The following EPHA6 variants were observed in gnomAD, a reference collection of about 807,000 sequenced individuals.
EPHA6 encodes the protein EPH receptor A6.
Under a neutral mutation model 112.0 loss-of-function variants are expected in EPHA6, and 50 were observed. The observed-to-expected ratio is 0.45, with a 90% CI of 0.36 to 0.56. The LOEUF is 0.56. EPHA6 is among the 20% of genes least tolerant of loss of function. The probability of loss-of-function intolerance (pLI) is 0.00; values close to 1 mark genes in which losing one functional copy is unlikely to be tolerated. For missense variants in EPHA6, 1,280 were observed against 1,417.4 expected (o/e 0.90, Z 1.56); for synonymous variants, 529 against 490.7 (o/e 1.08, Z -1.03).
intron 3 of EPHA6, among the ~76,000 whole-genome samples, chr3:97,120,357 G>C (rs2048007982): frequency 6.6e-6 from 1 of 151,616 alleles, no homozygotes; most frequent in Non-Finnish European, 1.5e-5. Context: ...TATAAAACTT[G>C]ATGTGCAGTT....
intron 5 of EPHA6, among the ~76,000 whole-genome samples, chr3:97,379,751 C>CAAAAA (rs71623570): frequency 3.3e-5 from 1 of 30,538 alleles, no homozygotes; most frequent in African/African-American, 5.8e-5. Flanking sequence ...TCTGTCTCCC[C>CAAAAA]AAAAAAAAAA....
intron 14 of EPHA6, among the ~76,000 whole-genome samples, chr3:97,698,411 T>TG (rs898409625): frequency 4.3e-4 from 59 of 138,800 alleles, no homozygotes; most frequent in African/African-American, 1.4e-3. Flanking sequence ...GAATTAAAGG[T>TG]TTTTTTTTTT....
At chr3:97,174,450 T>C (rs2076780554) in intron 3 of EPHA6, among the ~76,000 whole-genome samples, 1 of 151,888 alleles carries the variant, frequency 6.6e-6, no homozygotes, top group Non-Finnish European at 1.5e-5. Context: ...GTAGCTCAAT[T>C]TTTAGATTTT....
intron 10 of EPHA6, among the ~76,000 whole-genome samples, chr3:97,511,597 G>A (rs2092365880): frequency 6.6e-6 from 1 of 152,090 alleles, no homozygotes; most frequent in East Asian, 1.9e-4. Flanking sequence ...GATCTCGCTG[G>A]GAGCTGCAGA....
chr3:97,722,749 G>A (rs1042458890), intron 15 of EPHA6, among the ~76,000 whole-genome samples: 2 of 151,914 alleles, frequency 1.3e-5, no homozygotes, highest in South Asian at 4.2e-4. Flanking sequence ...TATATATATT[G>A]CAAAATATAT....
chr3:97,236,490 C>T (rs908236379), intron 4 of EPHA6, among the ~76,000 whole-genome samples: 1 of 152,058 alleles, frequency 6.6e-6, no homozygotes, highest in Non-Finnish European at 1.5e-5. Flanking sequence ...ATTTAACAAA[C>T]ATTTACGTTG....
chr3:96,883,354 T>G (rs1282200563), intron 2 of EPHA6, among the ~76,000 whole-genome samples: 1 of 152,186 alleles, frequency 6.6e-6, no homozygotes, highest in Non-Finnish European at 1.5e-5. Context: ...AAGATTTTCT[T>G]CCAGTCTGTA....
intron 12 of EPHA6, among the ~76,000 whole-genome samples, chr3:97,601,766 A>G (rs933243769): frequency 1.6e-4 from 24 of 152,126 alleles, no homozygotes; most frequent in African/African-American, 4.3e-4. Flanking sequence ...TGACTATTTA[A>G]CAAATATTTT....
chr3:97,552,083 C>A (rs1261883467), intron 11 of EPHA6, among the ~76,000 whole-genome samples: 1 of 152,106 alleles, frequency 6.6e-6, no homozygotes, highest in Non-Finnish European at 1.5e-5. Flanking sequence ...TCAAATTATT[C>A]TTCTTAAATG....
At chr3:97,509,773 A>G (rs753468050) in intron 10 of EPHA6, among the ~76,000 whole-genome samples, 9 of 152,120 alleles carry the variant, frequency 5.9e-5, no homozygotes, top group Non-Finnish European at 1.0e-4. Flanking sequence ...TAATATCCTG[A>G]AGAGTGTTTT....
At chr3:97,013,915 T>C (rs1349246713) in intron 3 of EPHA6, among the ~76,000 whole-genome samples, 1 of 152,156 alleles carries the variant, frequency 6.6e-6, no homozygotes, top group African/African-American at 2.4e-5. Flanking sequence ...TGCAAACTTA[T>C]CATTATTGTA....
intron 1 of EPHA6, among the ~76,000 whole-genome samples, chr3:96,825,111 G>T (rs770542333): frequency 5.9e-5 from 9 of 151,944 alleles, no homozygotes; most frequent in Non-Finnish European, 1.2e-4. Flanking sequence ...GAATTAAGAT[G>T]AATGACTACT....
At chr3:97,243,913 C>T (rs2078917217) in intron 4 of EPHA6, 39 bp from the exon 5 acceptor site, 1 of 1,439,014 alleles carries the variant, frequency 6.9e-7, no homozygotes, top group African/African-American at 1.4e-5. Flanking sequence ...ATTCATTGTC[C>T]TATATATGTA....
intron 1 of EPHA6, among the ~76,000 whole-genome samples, chr3:96,822,670 G>A (rs899477362): frequency 5.3e-5 from 8 of 150,730 alleles, no homozygotes; most frequent in African/African-American, 1.9e-4. Flanking sequence ...TGGATAAAAA[G>A]TAAGATACTT....
chr3:97,234,608 T>A (rs2078627987), intron 4 of EPHA6, among the ~76,000 whole-genome samples: 1 of 152,116 alleles, frequency 6.6e-6, no homozygotes, highest in East Asian at 1.9e-4. Flanking sequence ...AACTTCCTGT[T>A]CCCTTTTAAT....
intron 5 of EPHA6, among the ~76,000 whole-genome samples, chr3:97,250,065 G>A (rs539338009): frequency 2.4e-4 from 36 of 152,238 alleles, no homozygotes; most frequent in African/African-American, 7.2e-4. Context: ...AGCAGATCAC[G>A]AATTGAAGAG....
chr3:97,479,945 C>T (rs2091481594), intron 9 of EPHA6, among the ~76,000 whole-genome samples: 2 of 152,134 alleles, frequency 1.3e-5, no homozygotes, highest in Admixed American at 6.5e-5. Flanking sequence ...TCCACCTCCA[C>T]CTCCACCTCC....
intron 2 of EPHA6, among the ~76,000 whole-genome samples, 189 bp from the exon 3 acceptor site, chr3:96,987,141 G>A (rs1005553667): frequency 2.6e-5 from 4 of 152,198 alleles, no homozygotes; most frequent in African/African-American, 9.7e-5. Flanking sequence ...CAGGACAGCT[G>A]ATTCTAGAAC....
At chr3:96,950,256 T>C (rs193257778) in intron 2 of EPHA6, among the ~76,000 whole-genome samples, 14 of 152,266 alleles carry the variant, frequency 9.2e-5, no homozygotes, top group Non-Finnish European at 1.8e-4. Flanking sequence ...AGAGGTTCTC[T>C]CATTCTCTAG....
Sources: gnomAD v4.1 joint callset for allele counts (sites outside exome capture counted in the v4.1 genomes callset) on GRCh38, gnomAD v4.1.1 for gene constraint, MANE v1.5 for transcripts, NCBI Gene and HGNC (gene_info 2026-07-23, HGNC 2026-07-21) for gene names.